STK3: variants seen among roughly 807,000 people sequenced by gnomAD.
STK3 encodes the protein serine/threonine-protein kinase 3.
STK3 carries 41 observed loss-of-function variants against 58.0 expected under a neutral mutation model. That is an observed-to-expected ratio of 0.71 (90% confidence interval 0.55 to 0.92). The LOEUF (loss-of-function observed/expected upper bound fraction) is 0.92, where lower values mean the gene tolerates loss of function less well. STK3 is among the 40% of genes least tolerant of loss of function. STK3 has a pLI of 0.00. For synonymous variants in STK3, 170 were observed against 191.0 expected (o/e 0.89, Z 0.91); for missense variants, 479 against 602.7 (o/e 0.79, Z 2.15).
chr8:98,528,906 GCTGT>G (rs1168223109), intron 9 of STK3, among the ~76,000 whole-genome samples: 5 of 151,980 alleles, frequency 3.3e-5, no homozygotes, highest in East Asian at 1.9e-4. Flanking sequence ...TCCTGTCTTG[GCTGT>G]CTATTTTTAA....
chr8:98,760,948 T>G (rs1240990146), intron 3 of STK3, among the ~76,000 whole-genome samples: 1 of 152,104 alleles, frequency 6.6e-6, no homozygotes, highest in African/African-American at 2.4e-5. Context: ...TTAAACACTA[T>G]GCATGATACA....
chr8:98,474,398 C>G (rs1821152242), intron 10 of STK3, among the ~76,000 whole-genome samples: 1 of 152,158 alleles, frequency 6.6e-6, no homozygotes, highest in Admixed American at 6.5e-5. Context: ...GAATCTAATC[C>G]TGCCTAGGTC....
At chr8:98,623,306 C>T (rs917712298) in intron 6 of STK3, among the ~76,000 whole-genome samples, 2 of 152,120 alleles carry the variant, frequency 1.3e-5, no homozygotes, top group African/African-American at 4.8e-5. Context: ...TGTGTCCTGT[C>T]CCCCCACCAC....
chr8:98,908,861 A>AG (rs1839022223), intron 1 of STK3, among the ~76,000 whole-genome samples: 1 of 150,002 alleles, frequency 6.7e-6, no homozygotes, highest in Non-Finnish European at 1.5e-5. Context: ...AAAAAAAAAA[A>AG]AAAGAAAAAC....
Position 98,378,353 on chromosome 8 carries a change from G to A in STK3, n.111+800C>T, listed in dbSNP as rs536957233. Among the ~76,000 whole-genome samples the A allele has an allele frequency of 1.7e-3, 252 of 152,280 alleles. 1 individual carries two copies. The highest frequency in any genetic ancestry group is 3.0e-3 in the Non-Finnish European group (203 of 68,028). Reference sequence around the variant, plus strand: ...TTAAATGCCTCAGAACACTCTACTTGCCTCTCTTTCTACTAGCTTTATCCT... The same window carrying A: ...TTAAATGCCTCAGAACACTCTACTTACCTCTCTTTCTACTAGCTTTATCCT... On this transcript the variant is annotated intron_variant and non_coding_transcript_variant, in intron 2 of 2. Transcript: ENST00000518704.
upstream of STK3, among the ~76,000 whole-genome samples, chr8:98,830,509 CT>C: frequency 6.6e-6 from 1 of 152,206 alleles, no homozygotes; most frequent in East Asian, 1.9e-4. Flanking sequence ...ATGCTTCAAG[CT>C]TCTGTTTTAC....
intron 1 of STK3, among the ~76,000 whole-genome samples, chr8:98,811,640 C>CA (rs537192829): frequency 7.9e-4 from 119 of 150,216 alleles, no homozygotes; most frequent in African/African-American, 2.8e-3. Flanking sequence ...GAAAGGTTTT[C>CA]ATCCTTTAGT....
chr8:98,517,625 A>G (rs1825033506), intron 10 of STK3, among the ~76,000 whole-genome samples: 1 of 152,160 alleles, frequency 6.6e-6, no homozygotes, highest in Non-Finnish European at 1.5e-5. Flanking sequence ...TTAGATTTAA[A>G]GAAATTTCAT....
chr8:98,862,600 C>T (rs751524839), intron 3 of STK3, among the ~76,000 whole-genome samples: 2 of 152,282 alleles, frequency 1.3e-5, no homozygotes, highest in Non-Finnish European at 2.9e-5. Flanking sequence ...AATGCCAGAC[C>T]GAACAGGACT....
At chr8:98,483,518 A>G (rs1398594814) in intron 10 of STK3, among the ~76,000 whole-genome samples, 1 of 152,188 alleles carries the variant, frequency 6.6e-6, no homozygotes, top group Non-Finnish European at 1.5e-5. Context: ...GTGAGGAGGG[A>G]AAACTTTAGA....
intron 7 of STK3, 159 bp downstream of exon 7, chr8:98,595,873 G>T: frequency 8.7e-6 from 6 of 688,598 alleles, no homozygotes; most frequent in Non-Finnish European, 1.3e-5. Flanking sequence ...GGAAATGAGG[G>T]GACGAGAGGG....
chr8:98,710,887 C>T (rs992091864), intron 4 of STK3, among the ~76,000 whole-genome samples: 2 of 152,184 alleles, frequency 1.3e-5, no homozygotes, highest in Non-Finnish European at 2.9e-5. Flanking sequence ...GGAGGCAGCC[C>T]CAAGTAGGGG....
chr8:98,775,898 T>C (rs978596153), intron 1 of STK3, among the ~76,000 whole-genome samples: 7 of 152,134 alleles, frequency 4.6e-5, no homozygotes, highest in Admixed American at 4.6e-4. Context: ...CAAAGATATA[T>C]CATGATGAAC....
intron 1 of STK3, among the ~76,000 whole-genome samples, chr8:98,814,141 C>T (rs1834395507): frequency 6.6e-6 from 1 of 152,114 alleles, no homozygotes; most frequent in Admixed American, 6.6e-5. Flanking sequence ...ACCTCCACCT[C>T]CTGGGTTGAA....
chr8:98,344,888 G>A, the STK3 span, among the ~76,000 whole-genome samples: 8 of 77,536 alleles, frequency 1.0e-4, no homozygotes, highest in East Asian at 3.7e-4. Context: ...GCGAGACTCC[G>A]TCTCAAAAAA....
At chr8:98,528,917 T>C (rs1467682752) in intron 9 of STK3, among the ~76,000 whole-genome samples, 1 of 152,202 alleles carries the variant, frequency 6.6e-6, no homozygotes, top group Non-Finnish European at 1.5e-5. Context: ...CTGTCTATTT[T>C]TAATATAAAA....
chr8:98,578,704 A>G (rs1172450912), intron 8 of STK3, among the ~76,000 whole-genome samples: 1 of 152,230 alleles, frequency 6.6e-6, no homozygotes. Context: ...TACGAAATAC[A>G]TTTTCAATCA....
intron 1 of STK3, among the ~76,000 whole-genome samples, chr8:98,782,882 T>C (rs945735995): frequency 1.3e-5 from 2 of 150,740 alleles, no homozygotes; most frequent in African/African-American, 4.9e-5. Flanking sequence ...GGATGGGAAG[T>C]AAGGAAAGAA....
intron 6 of STK3, among the ~76,000 whole-genome samples, chr8:98,676,636 C>A (rs774164669): frequency 6.7e-6 from 1 of 150,144 alleles, no homozygotes. Flanking sequence ...AAAAGTTAAA[C>A]GGTAAATTTT....
Sources: gnomAD v4.1 joint callset for allele counts (sites outside exome capture counted in the v4.1 genomes callset) on GRCh38, gnomAD v4.1.1 for gene constraint, MANE v1.5 for transcripts, NCBI Gene and HGNC (gene_info 2026-07-23, HGNC 2026-07-21) for gene names.